The following CRPPA variants were observed in gnomAD, a reference collection of about 807,000 sequenced individuals.
The protein encoded by CRPPA is CDP-L-ribitol pyrophosphorylase A, also known as D-ribitol-5-phosphate cytidylyltransferase.
A neutral mutation model predicts 52.0 loss-of-function variants in CRPPA; 43 were observed. That is an observed-to-expected ratio of 0.83 (90% CI 0.65 to 1.07). The LOEUF (loss-of-function observed/expected upper bound fraction) is 1.07. Among genes scored for constraint, CRPPA ranks in the 50% least tolerant of loss-of-function variants. The pLI, the probability that CRPPA is intolerant of heterozygous loss-of-function variation, is 0.00. For synonymous variants in CRPPA, 250 were observed against 203.5 expected (o/e 1.23, Z -1.94); for missense variants, 629 against 551.7 (o/e 1.14, Z -1.40).
At chr7:16,418,581 T>A (rs900705274) in intron 1 of CRPPA, among the ~76,000 whole-genome samples, 1 of 152,050 alleles carries the variant, frequency 6.6e-6, no homozygotes, top group Non-Finnish European at 1.5e-5. Context: ...GGTGCCTTCT[T>A]CACAAGGCAG....
intron 9 of CRPPA, among the ~76,000 whole-genome samples, chr7:16,095,334 T>C (rs115850878): frequency 0.015 from 2,279 of 152,292 alleles, 48 homozygotes; most frequent in African/African-American, 0.049. Flanking sequence ...ACAACTTAAG[T>C]GATCTTTGAG....
At chr7:16,324,313 G>A (rs1405042812) in intron 3 of CRPPA, among the ~76,000 whole-genome samples, 1 of 152,194 alleles carries the variant, frequency 6.6e-6, no homozygotes, top group East Asian at 1.9e-4. Context: ...TAATAGGTCA[G>A]GATGGTCTGA....
At position 16,292,583 on chromosome 7, in the gene CRPPA, C is replaced by T. The variant is rs180979772; in HGVS notation, c.835+8838G>A. Among the ~76,000 whole-genome samples, 547 of 152,096 alleles carry T rather than the reference C, an allele frequency of 3.6e-3. 5 individuals carry two copies. Among genetic ancestry groups the T allele is most frequent in the African/African-American group, 0.013 (520 of 41,558 alleles). On this transcript the variant is annotated intron_variant, in intron 5 of 9. Transcript: ENST00000407010. ...TGACTATATCCATCCATCTGCCAGA[C>T]TCCTTTTAAATTTTCTCAAATTTCA...
intron 3 of CRPPA, among the ~76,000 whole-genome samples, chr7:16,318,497 T>A (rs1360907173): frequency 6.6e-6 from 1 of 152,180 alleles, no homozygotes; most frequent in Admixed American, 6.5e-5. Context: ...TAACAATTTT[T>A]GCTGAGTAAC....
At chr7:16,118,174 G>C (rs1231954315) in intron 9 of CRPPA, among the ~76,000 whole-genome samples, 6 of 152,094 alleles carry the variant, frequency 3.9e-5, no homozygotes, top group Admixed American at 3.9e-4. Flanking sequence ...TTCATGAATT[G>C]GTCTCTGAAT....
intron 2 of CRPPA, 65 bp downstream of exon 2, chr7:16,405,996 A>C: frequency 7.0e-7 from 1 of 1,428,658 alleles, no homozygotes; most frequent in East Asian, 2.4e-5. Context: ...TTGAATCAAA[A>C]TTCAGCAAAT....
At chr7:16,334,924 G>A (rs996875685) in intron 3 of CRPPA, among the ~76,000 whole-genome samples, 2 of 152,008 alleles carry the variant, frequency 1.3e-5, no homozygotes, top group African/African-American at 2.4e-5. Flanking sequence ...AAAAATCAGG[G>A]AAATATCATG....
Position 16,376,237 on chromosome 7 carries a change from G to T in CRPPA, c.539C>A (p.Ala180Glu). 1.3e-6 allele frequency: 2 copies of T among 1,597,900 alleles called. No individual in the cohort carries two copies. Among genetic ancestry groups the T allele is most frequent in the South Asian group, 1.1e-5 (1 of 87,444 alleles). Reference protein sequence around the residue: ...VVTAAKEHGAAGAIRPLVSTV... With the variant: ...VVTAAKEHGAEGAIRPLVSTV... ...AGATACAAGAGGTCGAATGGCTCCTGCTGCCTGAAGAACAAAGAGGCAAAG... is the reference window on the plus strand; with the variant it reads ...AGATACAAGAGGTCGAATGGCTCCTTCTGCCTGAAGAACAAAGAGGCAAAG... The change falls in exon 3 of 10, where the codon GCA (alanine) becomes GAA (glutamate). Residue 180 changes from alanine to glutamate, a missense_variant. By Grantham distance (107) the Ala-to-Glu change is moderately radical (BLOSUM62 -1). Coordinates refer to ENST00000407010, the MANE Select transcript of CRPPA (RefSeq NM_001101426.4).
chr7:16,149,131 A>G (rs1399586236), intron 9 of CRPPA, among the ~76,000 whole-genome samples: 1 of 152,214 alleles, frequency 6.6e-6, no homozygotes, highest in East Asian at 1.9e-4. Context: ...GTAGGGTACT[A>G]TGAATATACA....
At chr7:16,104,892 T>C (rs538022571) in intron 9 of CRPPA, among the ~76,000 whole-genome samples, 1 of 145,796 alleles carries the variant, frequency 6.9e-6, no homozygotes, top group African/African-American at 2.6e-5. Flanking sequence ...AGAGTGAGAC[T>C]CCATCTCAAA....
At chr7:16,213,335 T>C (rs2128397158) in intron 9 of CRPPA, among the ~76,000 whole-genome samples, 1 of 152,368 alleles carries the variant, frequency 6.6e-6, no homozygotes, top group African/African-American at 2.4e-5. Flanking sequence ...GATTATACTT[T>C]AAAGGGACTT....
At chr7:16,228,957 T>G (rs1050118189) in intron 8 of CRPPA, among the ~76,000 whole-genome samples, 1 of 152,020 alleles carries the variant, frequency 6.6e-6, no homozygotes, top group Non-Finnish European at 1.5e-5. Context: ...AATATTTGCT[T>G]CATATTATAT....
At chr7:16,397,880 G>T (rs1385379608) in intron 2 of CRPPA, among the ~76,000 whole-genome samples, 1 of 152,218 alleles carries the variant, frequency 6.6e-6, no homozygotes, top group African/African-American at 2.4e-5. Flanking sequence ...TGTAACACGT[G>T]ACCAACGTGT....
chr7:16,299,611 T>G (rs2128422486), intron 5 of CRPPA, among the ~76,000 whole-genome samples: 1 of 152,304 alleles, frequency 6.6e-6, no homozygotes, highest in South Asian at 2.1e-4. Flanking sequence ...TGGGAAGTTA[T>G]TAGATATACA....
At position 16,090,847 on chromosome 7, in the gene CRPPA, A is replaced by G. The variant is rs961099883; in HGVS notation, c.*848T>C. Reference sequence around the variant, plus strand: ...ATTAATATTTCAGATGTATATACCAATGAAAACTGGAAATAAGAACTTGAT... The same window carrying G: ...ATTAATATTTCAGATGTATATACCAGTGAAAACTGGAAATAAGAACTTGAT... On this transcript the variant is annotated 3_prime_UTR_variant, in exon 10 of 10. Transcript: ENST00000407010. The G allele has an allele frequency of 6.6e-6, 1 of 152,244 alleles. No individual in the cohort carries two copies. The highest frequency in any genetic ancestry group is 1.5e-5 in the Non-Finnish European group (1 of 68,044). The allele number at this position is 152,244 out of a possible 1,614,324, so 9.4% of individuals were successfully genotyped here.
intron 9 of CRPPA, among the ~76,000 whole-genome samples, chr7:16,109,481 TA>T (rs1180783004): frequency 1.3e-5 from 2 of 151,726 alleles, no homozygotes; most frequent in African/African-American, 2.4e-5. Flanking sequence ...ACCAAATATT[TA>T]AAAAACTACA....
chr7:16,333,591 A>G (rs1785609031), intron 3 of CRPPA, among the ~76,000 whole-genome samples: 1 of 152,238 alleles, frequency 6.6e-6, no homozygotes, highest in Non-Finnish European at 1.5e-5. Context: ...ATGTATTAGA[A>G]AGAATAAATT....
chr7:16,246,430 C>T (rs892386127), intron 8 of CRPPA, among the ~76,000 whole-genome samples: 1 of 152,108 alleles, frequency 6.6e-6, no homozygotes, highest in Non-Finnish European at 1.5e-5. Flanking sequence ...GATTATGACC[C>T]CCCATGAATC....
intron 2 of CRPPA, among the ~76,000 whole-genome samples, chr7:16,398,979 T>C (rs1230405987): frequency 6.6e-6 from 1 of 152,280 alleles, no homozygotes; most frequent in African/African-American, 2.4e-5. Flanking sequence ...GACCAGCCCA[T>C]GGCCGGAATG....
Sources: gnomAD v4.1 joint callset for allele counts (sites outside exome capture counted in the v4.1 genomes callset) on GRCh38, gnomAD v4.1.1 for gene constraint, MANE v1.5 for transcripts, NCBI Gene and HGNC (gene_info 2026-07-23, HGNC 2026-07-21) for gene names.